The following NMT2 variants were observed in gnomAD, a reference collection of about 807,000 sequenced individuals.
NMT2 encodes the protein glycylpeptide N-tetradecanoyltransferase 2.
A neutral mutation model predicts 65.4 loss-of-function variants in NMT2; 35 were observed. That is an observed-to-expected ratio of 0.54 (90% confidence interval 0.41 to 0.71). NMT2 has a LOEUF of 0.71. Among genes scored for constraint, NMT2 ranks in the 30% least tolerant of loss-of-function variants. NMT2 has a pLI of 0.00. For missense variants in NMT2, 489 were observed against 611.3 expected, an observed-to-expected ratio of 0.80 and a Z score of 2.11; for synonymous variants, 226 against 231.8, an observed-to-expected ratio of 0.98 and a Z score of 0.23.
At position 15,141,516 on chromosome 10, in the gene NMT2, T is replaced by G; in HGVS notation, c.152A>C (p.Lys51Thr). The change falls in exon 2 of 12, where the codon AAA (lysine) becomes ACA (threonine). Residue 51 changes from lysine (K) to threonine (T), a missense_variant. Lys to Thr is a moderately conservative substitution (Grantham distance 78, BLOSUM62 -1). Coordinates refer to ENST00000378165, the MANE Select transcript of NMT2 (RefSeq NM_004808.3). ...GYLGAKKKKK[K>T]QKRKKEKPNS... Reference sequence around the variant, plus strand: ...TGGTTTCTCCTTTTTTCTCTTCTGTTTCTTCTTTTTCTTTTTGGCTCCCAA... The same window carrying G: ...TGGTTTCTCCTTTTTTCTCTTCTGTGTCTTCTTTTTCTTTTTGGCTCCCAA... 6.2e-7 allele frequency: 1 copy of G among 1,614,172 alleles called. No individual in the cohort carries two copies. The highest frequency in any genetic ancestry group is 8.5e-7 in the Non-Finnish European group (1 of 1,180,008).
At chr10:15,159,551 C>A (rs532572531) in intron 1 of NMT2, among the ~76,000 whole-genome samples, 1 of 152,204 alleles carries the variant, frequency 6.6e-6, no homozygotes, top group Admixed American at 6.5e-5. Context: ...CCTCAGCCTC[C>A]CGATTAGCTG....
Position 15,107,724 on chromosome 10 carries a change from G to C in NMT2, c.*1471C>G. On this transcript the variant is annotated 3_prime_UTR_variant, in exon 12 of 12. Transcript: ENST00000378165. Reference sequence around the variant, plus strand: ...CCCGCCTTGGCCTCCCAAAGTGCTGGGATTACAGGCGTGAGCCACCACACC... The same window carrying C: ...CCCGCCTTGGCCTCCCAAAGTGCTGCGATTACAGGCGTGAGCCACCACACC... 1.0e-6 allele frequency: 1 copy of C among 975,692 alleles called. No individual in the cohort carries two copies. The highest frequency in any genetic ancestry group is 1.8e-5 in the African/African-American group (1 of 57,038). 60.4% of individuals were successfully genotyped at this position (975,692 alleles called of 1,614,324 possible).
intron 8 of NMT2, among the ~76,000 whole-genome samples, chr10:15,125,917 G>T (rs763932506): frequency 1.3e-5 from 2 of 151,934 alleles, no homozygotes; most frequent in Non-Finnish European, 2.9e-5. Context: ...TGCCCGCCTT[G>T]GCCTCCCAAA....
chr10:15,108,690 G>C lies in NMT2; in HGVS notation c.*505C>G. The C allele has an allele frequency of 1.0e-6, 1 of 994,340 alleles. No homozygotes were observed. The highest frequency in any genetic ancestry group is 1.2e-6 in the Non-Finnish European group (1 of 836,488). The allele number at this position is 994,340 out of a possible 1,614,324, so 61.6% of individuals were successfully genotyped here. A position where few individuals can be genotyped will look rare whatever the true frequency, so the allele number is the denominator to read the frequency against. On this transcript the variant is annotated 3_prime_UTR_variant, in exon 12 of 12. Transcript: ENST00000378165. ...CACCACCTGTCACTGAGCTACAGAA[G>C]TGTTGATTCCATAAATGTTCCCAGT...
At chr10:15,131,012 A>G (rs983147716) in intron 6 of NMT2, among the ~76,000 whole-genome samples, 1 of 152,034 alleles carries the variant, frequency 6.6e-6, no homozygotes, top group Non-Finnish European at 1.5e-5. Context: ...CTGGTCTCGC[A>G]TTCCTGACCT....
At chr10:15,142,132 G>A (rs967313803) in intron 1 of NMT2, among the ~76,000 whole-genome samples, 9 of 152,202 alleles carry the variant, frequency 5.9e-5, no homozygotes, top group African/African-American at 1.9e-4. Context: ...TAGCATCTAG[G>A]TTATAAAGGA....
Position 15,120,011 on chromosome 10 carries a change from A to G in NMT2, c.1000-498T>C, listed in dbSNP as rs531235469. The stretch of plus-strand genomic sequence containing the variant: ...GTGGGTTCGACCAACCTTAGACGAA[A>G]AATATTCGGGGAAAAAAAACTGGAT... On this transcript the variant is annotated intron_variant, in intron 8 of 11. Transcript: ENST00000378165. Among the ~76,000 whole-genome samples, 4 of 152,274 alleles carry G rather than the reference A, an allele frequency of 2.6e-5. No individual in the cohort carries two copies. The South Asian group carries it at 8.3e-4, about 32-fold the overall frequency.
In NMT2 at chr10:15,156,175, T is replaced by C. The variant is rs192837017; in HGVS notation, c.110+12328A>G. On this transcript the variant is annotated intron_variant, in intron 1 of 11. Coordinates refer to ENST00000378165, the MANE Select transcript of NMT2 (RefSeq NM_004808.3). Reference sequence around the variant, plus strand: ...TGAACTGTAGTTCCCATAATCCCCATGTGTTATGGGAGGGACCTGGAGGGA... The same window carrying C: ...TGAACTGTAGTTCCCATAATCCCCACGTGTTATGGGAGGGACCTGGAGGGA... 5.0e-4 allele frequency among the ~76,000 whole-genome samples: 76 copies of C among 152,196 alleles called. No individual in the cohort carries two copies. In the East Asian group the frequency reaches 6.2e-3, roughly 12 times the overall value.
chr10:15,108,607 G>C lies in NMT2; in HGVS notation c.*588C>G, dbSNP rs1456036988. 5 of 985,830 alleles carry C rather than the reference G, an allele frequency of 5.1e-6. No homozygotes were observed. In the African/African-American group the frequency reaches 8.7e-5, roughly 17 times the overall value. The allele number at this position is 985,830 out of a possible 1,614,324, so 61.1% of individuals were successfully genotyped here. ...TTATTGATTCGGCAACTCTGCTTATGGAGAAATACATGTACTAGTCACCAG... is the reference window on the plus strand; with the variant it reads ...TTATTGATTCGGCAACTCTGCTTATCGAGAAATACATGTACTAGTCACCAG... On this transcript the variant is annotated 3_prime_UTR_variant, in exon 12 of 12. Transcript: ENST00000378165.
Position 15,135,307 on chromosome 10 carries a change from G to A in NMT2, c.358C>T (p.Gln120Ter). ...NIDEAAKHRY[Q>*]FWDTQPVPKL... Reference sequence around the variant, plus strand: ...GGTACCGGTTGTGTGTCCCAAAACTGGTATCTGTGCTTTGCAGCCTCATCA... The same window carrying A: ...GGTACCGGTTGTGTGTCCCAAAACTAGTATCTGTGCTTTGCAGCCTCATCA... Residue 120 changes from glutamine (Q) to a stop codon, truncating the protein, a stop_gained, in exon 3 of 12, where the codon CAG becomes TAG. Coordinates refer to ENST00000378165, the MANE Select transcript of NMT2 (RefSeq NM_004808.3). LOFTEE classifies it high-confidence loss of function. 1 of 1,614,114 alleles carries A rather than the reference G, an allele frequency of 6.2e-7. No homozygotes were observed. The highest frequency in any genetic ancestry group is 8.5e-7 in the Non-Finnish European group (1 of 1,180,024).
At position 15,107,660 on chromosome 10, in the gene NMT2, G is replaced by C. The variant is rs540533958; in HGVS notation, c.*1535C>G. On this transcript the variant is annotated 3_prime_UTR_variant, in exon 12 of 12. Coordinates refer to ENST00000378165, the MANE Select transcript of NMT2 (RefSeq NM_004808.3). ...AGTAGAGATGGGGTTTCACCATGTTGGCCAGGCTGGTCTCGAACCCCTGAC... is the reference window on the plus strand; with the variant it reads ...AGTAGAGATGGGGTTTCACCATGTTCGCCAGGCTGGTCTCGAACCCCTGAC... 1.8e-6 allele frequency: 1 copy of C among 570,466 alleles called. No individual in the cohort carries two copies. The highest frequency in any genetic ancestry group is 2.1e-5 in the African/African-American group (1 of 48,744). The allele number at this position is 570,466 out of a possible 1,614,324, so 35.3% of individuals were successfully genotyped here.
chr10:15,160,254 T>C lies in NMT2; in HGVS notation c.110+8249A>G, dbSNP rs114177798. Among the ~76,000 whole-genome samples, 609 of 152,302 alleles carry C rather than the reference T, an allele frequency of 4.0e-3. 3 individuals are homozygous for C. The highest frequency in any genetic ancestry group is 0.014 in the African/African-American group (565 of 41,578). On this transcript the variant is annotated intron_variant, in intron 1 of 11. Coordinates refer to ENST00000378165, the MANE Select transcript of NMT2 (RefSeq NM_004808.3). ...AATGCTGTGCACAATAGCTGGATTTTAGTGATTCCTGGGAGGAGGGTGGTG... is the reference window on the plus strand; with the variant it reads ...AATGCTGTGCACAATAGCTGGATTTCAGTGATTCCTGGGAGGAGGGTGGTG...
At chr10:15,129,823 C>G (rs1280887378) in intron 7 of NMT2, among the ~76,000 whole-genome samples, 1 of 149,368 alleles carries the variant, frequency 6.7e-6, no homozygotes, top group African/African-American at 2.5e-5. Context: ...GCAGGAGAAT[C>G]ACTTGAACCC....
intron 2 of NMT2, among the ~76,000 whole-genome samples, chr10:15,137,865 TGAA>T (rs1232114646): frequency 1.3e-5 from 2 of 152,190 alleles, no homozygotes; most frequent in East Asian, 1.9e-4. Context: ...ACCAACTCCA[TGAA>T]GAAGACTTCA....
In NMT2 at chr10:15,109,722, G is replaced by A; in HGVS notation, c.1456C>T (p.Pro486Ser). 6.2e-7 allele frequency: 1 copy of A among 1,611,498 alleles called. No individual in the cohort carries two copies. Among genetic ancestry groups the A allele is most frequent in the Non-Finnish European group, 8.5e-7 (1 of 1,179,208 alleles). The stretch of plus-strand genomic sequence containing the variant: ...CTTACCTTTTCAGAATCTGTACCTG[G>A]ACACCTCCAATTGTACAGGTAATAC... ...LQYYLYNWRC[P>S]GTDSEKVGLV... Residue 486 changes from proline to serine, a missense_variant, in exon 11 of 12, where the codon CCA becomes TCA. Physicochemically the swap from Pro to Ser is moderately conservative, Grantham distance 74 (BLOSUM62 -1). Transcript: ENST00000378165.
At chr10:15,128,149 C>T (rs990112779) in intron 8 of NMT2, among the ~76,000 whole-genome samples, 2 of 152,156 alleles carry the variant, frequency 1.3e-5, no homozygotes, top group South Asian at 4.1e-4. Context: ...ACTTTAAGAG[C>T]CTTGGGAAAA....
At chr10:15,130,948 C>T (rs879315178) in intron 6 of NMT2, among the ~76,000 whole-genome samples, 14 of 151,992 alleles carry the variant, frequency 9.2e-5, no homozygotes, top group Admixed American at 2.6e-4. Context: ...CGCCACCATG[C>T]CCAGCTCATT....
chr10:15,117,554 G>C (rs1441978794), intron 9 of NMT2, among the ~76,000 whole-genome samples: 2 of 152,120 alleles, frequency 1.3e-5, no homozygotes, highest in Non-Finnish European at 2.9e-5. Flanking sequence ...CTGCATTAAT[G>C]CAAGACCAAT....
intron 8 of NMT2, among the ~76,000 whole-genome samples, chr10:15,127,502 C>A (rs185924329): frequency 0.041 from 5,436 of 131,870 alleles, 170 homozygotes; most frequent in East Asian, 0.11. Context: ...AGCCGAGATC[C>A]CGCCACTGCA....
Sources: allele counts gnomAD v4.1 joint callset (sites outside exome capture counted in the v4.1 genomes callset), GRCh38; gene constraint gnomAD v4.1.1; transcripts MANE v1.5; gene names NCBI Gene and HGNC (gene_info 2026-07-23, HGNC 2026-07-21).